The following CPVL variants were observed in gnomAD, a reference collection of about 807,000 sequenced individuals.
CPVL encodes the protein probable serine carboxypeptidase CPVL.
A neutral mutation model predicts 63.7 loss-of-function variants in CPVL; 51 were observed. The observed-to-expected ratio is 0.80, with a 90% CI of 0.64 to 1.01. The LOEUF (loss-of-function observed/expected upper bound fraction) is 1.01. Among genes scored for constraint, CPVL ranks in the 50% least tolerant of loss-of-function variants. CPVL has a pLI of 0.00. For synonymous variants in CPVL, 195 were observed against 206.0 expected (o/e 0.95, Z 0.46); for missense variants, 530 against 573.1 (o/e 0.92, Z 0.77).
At chr7:29,045,950 C>T (rs2128168731) in intron 11 of CPVL, among the ~76,000 whole-genome samples, 1 of 152,278 alleles carries the variant, frequency 6.6e-6, no homozygotes, top group East Asian at 1.9e-4. Context: ...GTTAAGATTT[C>T]AGTCTGGTAG....
In CPVL at chr7:29,120,952, C is replaced by G. The variant is rs1267853250; in HGVS notation, c.110G>C (p.Gly37Ala). 2.5e-6 allele frequency: 4 copies of G among 1,613,962 alleles called. No homozygotes were observed. ...LYRSVSMPPK[G>A]DSGQPLFLTP... ...GAGAAATAATGGCTGTCCTGAGTCT[C>G]CCTTAGGTGGCATGGAAACACTTCT... Residue 37 changes from glycine to alanine, a missense_variant, in exon 2 of 13, where the codon GGA becomes GCA. Physicochemically the swap from Gly to Ala is moderately conservative, Grantham distance 60 (BLOSUM62 0). Transcript: ENST00000265394.
chr7:29,057,119 A>G (rs977440467), intron 11 of CPVL, among the ~76,000 whole-genome samples: 2 of 151,232 alleles, frequency 1.3e-5, no homozygotes, highest in African/African-American at 4.9e-5. Flanking sequence ...TCCAGCTAAT[A>G]AATTAATTAA....
intron 3 of CPVL, among the ~76,000 whole-genome samples, chr7:29,105,837 G>A (rs1787665879): frequency 6.6e-6 from 1 of 152,062 alleles, no homozygotes. Context: ...CAGAATGCTG[G>A]GTAGGCTTCC....
At chr7:29,039,640 C>T (rs1360872399) in intron 11 of CPVL, among the ~76,000 whole-genome samples, 3 of 151,956 alleles carry the variant, frequency 2.0e-5, no homozygotes, top group Non-Finnish European at 4.4e-5. Flanking sequence ...CTGTTCTAAA[C>T]TTTAACCATT....
intron 12 of CPVL, among the ~76,000 whole-genome samples, chr7:29,028,401 C>G (rs1001267284): frequency 6.6e-6 from 1 of 152,020 alleles, no homozygotes; most frequent in African/African-American, 2.4e-5. Flanking sequence ...TAGAAGAAAA[C>G]AGGGGAAACA....
At chr7:29,009,509 A>G (rs540536037) in intron 12 of CPVL, 1 of 152,340 alleles carries the variant, frequency 6.6e-6, no homozygotes, top group Non-Finnish European at 1.5e-5. Context: ...GTCCATCGGC[A>G]GTGGAATGGG....
intron 1 of CPVL, among the ~76,000 whole-genome samples, chr7:29,140,435 A>G (rs562353642): frequency 6.6e-6 from 1 of 152,356 alleles, no homozygotes; most frequent in East Asian, 1.9e-4. Context: ...AAAAGGGGAC[A>G]GTATCCACCT....
chr7:29,128,686 G>A (rs1790347128), intron 1 of CPVL, among the ~76,000 whole-genome samples: 2 of 144,268 alleles, frequency 1.4e-5, no homozygotes, highest in Admixed American at 7.2e-5. Context: ...CTGCACTCCA[G>A]CCTGGGCAAC....
At chr7:29,140,073 T>C (rs562775036) in intron 1 of CPVL, among the ~76,000 whole-genome samples, 2 of 152,292 alleles carry the variant, frequency 1.3e-5, no homozygotes, top group East Asian at 3.9e-4. Context: ...AGCTTTTCCC[T>C]AGCCAGGCCT....
intron 11 of CPVL, among the ~76,000 whole-genome samples, chr7:29,042,184 G>A (rs1392967130): frequency 1.3e-5 from 2 of 152,128 alleles, no homozygotes; most frequent in Non-Finnish European, 2.9e-5. Context: ...AGGAGCAGCA[G>A]ATACTCCCAT....
intron 11 of CPVL, among the ~76,000 whole-genome samples, chr7:29,040,872 C>G (rs1412256704): frequency 6.6e-6 from 1 of 152,170 alleles, no homozygotes; most frequent in Non-Finnish European, 1.5e-5. Flanking sequence ...ACAAAGCCAA[C>G]TTGAAAAGGA....
intron 9 of CPVL, among the ~76,000 whole-genome samples, chr7:29,069,023 A>G (rs558676233): frequency 2.0e-4 from 31 of 152,106 alleles, no homozygotes; most frequent in Admixed American, 7.2e-4. Flanking sequence ...ATGGGGCACC[A>G]TAGGCCAGGG....
intron 10 of CPVL, 103 bp downstream of exon 10, chr7:29,065,920 T>C: frequency 1.6e-6 from 1 of 639,820 alleles, no homozygotes; most frequent in Non-Finnish European, 2.8e-6. Flanking sequence ...TTGGACATGT[T>C]GGTCTAGTAT....
chr7:29,024,853 A>C (rs1223632148), intron 12 of CPVL, among the ~76,000 whole-genome samples: 1 of 152,230 alleles, frequency 6.6e-6, no homozygotes, highest in African/African-American at 2.4e-5. Flanking sequence ...GCAGTCCTAT[A>C]ACTGGAAGTG....
At chr7:29,064,332 A>C (rs886398949) in intron 10 of CPVL, 98 bp from the exon 11 acceptor site, 26 of 625,692 alleles carry the variant, frequency 4.2e-5, no homozygotes, top group Non-Finnish European at 6.1e-5. Flanking sequence ...TACAACATGG[A>C]GAAACGTGAC....
At chr7:29,195,205 C>T in exon 1 of CPVL, 1 of 481,436 alleles carries the variant, frequency 2.1e-6, no homozygotes, top group Non-Finnish European at 3.6e-6. Flanking sequence ...GGTGGGAGAG[C>T]GGTGGTGCCC....
intron 12 of CPVL, among the ~76,000 whole-genome samples, chr7:29,023,340 C>A (rs1270934412): frequency 6.6e-6 from 1 of 152,154 alleles, no homozygotes; most frequent in Non-Finnish European, 1.5e-5. Context: ...TATAGGGCAG[C>A]AGGCAAGAGA....
intron 1 of CPVL, among the ~76,000 whole-genome samples, chr7:29,121,549 G>C (rs528839758): frequency 6.6e-6 from 1 of 152,142 alleles, no homozygotes; most frequent in Non-Finnish European, 1.5e-5. Flanking sequence ...CCATAAATGG[G>C]TGGTAGAAAC....
chr7:29,128,227 A>C (rs1790273767), intron 1 of CPVL: 1 of 141,204 alleles, frequency 7.1e-6, no homozygotes, highest in African/African-American at 2.6e-5. Context: ...GCTCTCTTGG[A>C]TCTCTGCTCC....
Sources: gnomAD v4.1 joint callset for allele counts (sites outside exome capture counted in the v4.1 genomes callset) on GRCh38, gnomAD v4.1.1 for gene constraint, MANE v1.5 for transcripts, NCBI Gene and HGNC (gene_info 2026-07-23, HGNC 2026-07-21) for gene names.